PPEF2: variants seen among roughly 807,000 people sequenced by gnomAD.
PPEF2 encodes serine/threonine-protein phosphatase with EF-hands 2.
A neutral mutation model predicts 84.7 loss-of-function variants in PPEF2; 84 were observed. The ratio of observed to expected loss-of-function variants is 0.99; its 90% CI spans 0.83 to 1.19. The LOEUF (loss-of-function observed/expected upper bound fraction) is 1.19. Ranked by LOEUF, PPEF2 falls within the 50% of genes most tolerant of loss-of-function variation. The probability of loss-of-function intolerance (pLI) is 0.00; values close to 1 mark genes in which losing one functional copy is unlikely to be tolerated. For missense variants in PPEF2, 924 were observed against 937.5 expected, an observed-to-expected ratio of 0.99 and a Z score of 0.19; for synonymous variants, 346 against 345.2, an observed-to-expected ratio of 1.00 and a Z score of -0.03.
chr4:75,874,823 C>A (rs574109338), intron 11 of PPEF2, among the ~76,000 whole-genome samples: 52 of 152,212 alleles, frequency 3.4e-4, no homozygotes, highest in African/African-American at 1.3e-3. Flanking sequence ...TGCAACTTCT[C>A]TTTCTCACTA....
At chr4:75,897,565 T>C (rs1725036607) in intron 1 of PPEF2, among the ~76,000 whole-genome samples, 1 of 152,046 alleles carries the variant, frequency 6.6e-6, no homozygotes, top group African/African-American at 2.4e-5. Flanking sequence ...GGTGGGCTGA[T>C]CACTTGAGAC....
chr4:75,884,734 T>G lies in PPEF2; in HGVS notation c.606A>C (p.Ser202=). The G allele has an allele frequency of 3.1e-6, 5 of 1,603,210 alleles. No individual in the cohort carries two copies. The highest frequency in any genetic ancestry group is 4.2e-6 in the Non-Finnish European group (5 of 1,177,156). The change falls in exon 8 of 17, where the codon TCA becomes TCC. Residue 202 remains serine, a synonymous_variant. Transcript: ENST00000286719. ...CCACAAAGTCACCGTTGAACACATA[T>G]GACCGTTCTGGCGACGGGAGGCCAT... ...YKNGLPSPER[S]YVFNGDFVDR...
intron 8 of PPEF2, among the ~76,000 whole-genome samples, chr4:75,883,817 CAAAAAAAAAAA>C (rs35897623): frequency 1.6e-5 from 1 of 60,702 alleles, no homozygotes; most frequent in Non-Finnish European, 2.8e-5. Flanking sequence ...GACTCCGTCA[CAAAAAAAAAAA>C]AAAAAAAAAA....
Position 75,888,272 on chromosome 4 carries a change from T to C in PPEF2, c.474A>G (p.Val158=), listed in dbSNP as rs760841605. The change falls in exon 6 of 17, where the codon GTA becomes GTG. Residue 158 remains valine (V), a synonymous_variant. Transcript: ENST00000286719. ...AGACCCGGTTGATGTTTGGCAGCTG[T>C]ACCAGATGTTTCTTGGTTTCATACA... The part of the protein sequence containing the change: ...NLLYETKKHL[V]QLPNINRVST... The C allele has an allele frequency of 6.2e-7, 1 of 1,614,080 alleles. No individual in the cohort carries two copies. The highest frequency in any genetic ancestry group is 8.5e-7 in the Non-Finnish European group (1 of 1,179,980).
intron 12 of PPEF2, among the ~76,000 whole-genome samples, chr4:75,872,782 T>C (rs772709308): frequency 7.9e-5 from 12 of 152,236 alleles, no homozygotes; most frequent in Non-Finnish European, 1.5e-4. Flanking sequence ...AGGATGTTAA[T>C]TGTGCTCCTG....
Position 75,860,174 on chromosome 4 carries a change from C to A in PPEF2, c.*493G>T, listed in dbSNP as rs1033429380. 6.3e-6 allele frequency: 1 copy of A among 158,770 alleles called. No individual in the cohort carries two copies. Among genetic ancestry groups the A allele is most frequent in the Non-Finnish European group, 1.4e-5 (1 of 72,338 alleles). The allele number at this position is 158,770 out of a possible 1,614,324, so 9.8% of individuals were successfully genotyped here. ...GACCAGCCTGACCAACATGGAGAAACCCTGTGTCTACTAAAAATACAAAAT... is the reference window on the plus strand; with the variant it reads ...GACCAGCCTGACCAACATGGAGAAAACCTGTGTCTACTAAAAATACAAAAT... On this transcript the variant is annotated 3_prime_UTR_variant, in exon 17 of 17. Coordinates refer to ENST00000286719, the MANE Select transcript of PPEF2 (RefSeq NM_006239.3).
chr4:75,892,064 C>G, intron 2 of PPEF2, 86 bp from the exon 3 acceptor site: 1 of 1,542,194 alleles, frequency 6.5e-7, no homozygotes. Flanking sequence ...CTGCTCAGCC[C>G]TCTCCCACTG....
chr4:75,872,225 C>G, intron 12 of PPEF2, 58 bp from the exon 13 acceptor site: 3 of 1,544,340 alleles, frequency 1.9e-6, no homozygotes, highest in Non-Finnish European at 2.6e-6. Flanking sequence ...CCTTCACCCT[C>G]AATCCTATGT....
chr4:75,896,205 A>C, intron 2 of PPEF2, 66 bp downstream of exon 2: 126 of 1,549,620 alleles, frequency 8.1e-5, no homozygotes, highest in Non-Finnish European at 1.1e-4. Flanking sequence ...CAGAACCCCC[A>C]ACCCTCTCCA....
chr4:75,898,664 T>C (rs72651355), intron 1 of PPEF2, among the ~76,000 whole-genome samples: 4,281 of 152,342 alleles, frequency 0.028, 86 homozygotes, highest in Admixed American at 0.044. Flanking sequence ...TTTAGCACAG[T>C]GCCTGACATG....
At chr4:75,876,222 C>T in intron 11 of PPEF2, 65 bp downstream of exon 11, 2 of 1,512,566 alleles carry the variant, frequency 1.3e-6, no homozygotes, top group East Asian at 2.3e-5. Flanking sequence ...CTGAGTTTCC[C>T]TGGAAGGGAG....
At chr4:75,869,441 T>A (rs1053948378) in intron 13 of PPEF2, among the ~76,000 whole-genome samples, 1 of 152,066 alleles carries the variant, frequency 6.6e-6, no homozygotes, top group Non-Finnish European at 1.5e-5. Context: ...TACCAAGGAG[T>A]GAGGCCAGAT....
chr4:75,894,215 A>G (rs1257522818), intron 2 of PPEF2, among the ~76,000 whole-genome samples: 1 of 152,134 alleles, frequency 6.6e-6, no homozygotes, highest in East Asian at 1.9e-4. Flanking sequence ...TCTTATTTTT[A>G]TTATCTTTGT....
intron 10 of PPEF2, 138 bp from the exon 11 acceptor site, chr4:75,876,811 G>A: frequency 1.1e-6 from 1 of 898,070 alleles, no homozygotes; most frequent in Middle Eastern, 3.3e-4. Context: ...TTCAAGACCA[G>A]CTTGAGCAAC....
chr4:75,895,587 C>A (rs1724990624), intron 2 of PPEF2, among the ~76,000 whole-genome samples: 1 of 151,328 alleles, frequency 6.6e-6, no homozygotes, highest in South Asian at 2.1e-4. Context: ...CAAAAATTAG[C>A]CAGGCGTGGT....
intron 1 of PPEF2, 145 bp from the exon 2 acceptor site, chr4:75,896,528 C>T (rs1725014143): frequency 1.6e-6 from 1 of 615,368 alleles, no homozygotes; most frequent in African/African-American, 1.8e-5. Flanking sequence ...TGAGAGTTCC[C>T]TCCATTTGTC....
Position 75,860,685 on chromosome 4 carries a change from G to T in PPEF2, c.2244C>A (p.Ser748Arg). ...QATNAKDSGC[S>R]SPGAH ...GCTGTTCTTAGTGTGCACCTGGACT[G>T]CTGCAGCCACTGTCTTTAGCATTTG... The change falls in exon 17 of 17, where the codon AGC (serine) becomes AGA (arginine). Residue 748 changes from serine to arginine, a missense_variant. By Grantham distance (110) the Ser-to-Arg change is moderately radical (BLOSUM62 -1). Coordinates refer to ENST00000286719, the MANE Select transcript of PPEF2 (RefSeq NM_006239.3). 6.2e-7 allele frequency: 1 copy of T among 1,614,124 alleles called. No individual in the cohort carries two copies. Among genetic ancestry groups the T allele is most frequent in the Non-Finnish European group, 8.5e-7 (1 of 1,180,014 alleles).
In PPEF2 at chr4:75,866,249, G is replaced by A. The variant is rs1371658870; in HGVS notation, c.1860C>T (p.Asp620=). The A allele has an allele frequency of 1.2e-6, 2 of 1,613,948 alleles. No individual in the cohort carries two copies. Among genetic ancestry groups the A allele is most frequent in the Admixed American group, 3.3e-5 (2 of 59,976 alleles). The change falls in exon 15 of 17, where the codon GAC becomes GAT. Residue 620 remains aspartate (D), a synonymous_variant. Transcript: ENST00000286719. ...LRPQLVNSSA[D]NMLEYKSWLK... ...GCCAAGACTTGTACTCCAGCATGTT[G>A]TCTGCTGAGCTGTTCACCAGCTGTG...
chr4:75,885,989 A>G (rs573817374), intron 7 of PPEF2, among the ~76,000 whole-genome samples: 1 of 142,916 alleles, frequency 7.0e-6, no homozygotes, highest in African/African-American at 2.6e-5. Context: ...AGCCTCGGCG[A>G]GAAGAGCGAA....
Sources: allele counts gnomAD v4.1 joint callset (sites outside exome capture counted in the v4.1 genomes callset), GRCh38; gene constraint gnomAD v4.1.1; transcripts MANE v1.5; gene names NCBI Gene and HGNC (gene_info 2026-07-23, HGNC 2026-07-21).